Variants in SCN10A observed in about 807,000 individuals in gnomAD.
SCN10A encodes the protein sodium voltage-gated channel alpha subunit 10.
In SCN10A, 162 loss-of-function variants were observed where a neutral mutation model predicts 170.7. The observed-to-expected ratio is 0.95, with a 90% CI of 0.84 to 1.08. SCN10A has a LOEUF of 1.08. Among genes scored for constraint, SCN10A ranks in the 50% least tolerant of loss-of-function variants. The pLI, the probability that SCN10A is intolerant of heterozygous loss-of-function variation, is 0.00. For missense variants in SCN10A, 2,527 were observed against 2,436.9 expected (o/e 1.04, Z -0.78); for synonymous variants, 985 against 904.6 (o/e 1.09, Z -1.59).
At position 38,757,160 on chromosome 3, in the gene SCN10A, C is replaced by G. The variant is rs2063818319; in HGVS notation, c.951-1G>C. ...GCAGATATAACCATCAGGGCAGTGG[C>G]TGCAGCAAGAACAGAGAAGGTCATC... On this transcript the variant is annotated splice_acceptor_variant, in intron 8 of 27. Transcript: ENST00000449082. LOFTEE classifies it high-confidence loss of function. 1 of 1,595,042 alleles carries G rather than the reference C, an allele frequency of 6.3e-7. No homozygotes were observed.
chr3:38,781,668 A>G (rs2064141024), intron 4 of SCN10A, among the ~76,000 whole-genome samples: 1 of 152,174 alleles, frequency 6.6e-6, no homozygotes, highest in African/African-American at 2.4e-5. Flanking sequence ...TTTTTATGCT[A>G]CAGGAATAAA....
intron 4 of SCN10A, among the ~76,000 whole-genome samples, chr3:38,772,999 G>A (rs539672749): frequency 2.6e-5 from 4 of 152,190 alleles, no homozygotes; most frequent in Non-Finnish European, 5.9e-5. Flanking sequence ...CAGACTAGGA[G>A]GTATATTGTT....
intron 6 of SCN10A, among the ~76,000 whole-genome samples, chr3:38,762,126 C>T (rs914957561): frequency 6.6e-6 from 1 of 152,116 alleles, no homozygotes; most frequent in African/African-American, 2.4e-5. Flanking sequence ...AGAGCAGCTT[C>T]GCAGGTAGCA....
chr3:38,719,543 G>A (rs368287697), intron 20 of SCN10A, among the ~76,000 whole-genome samples: 53 of 151,456 alleles, frequency 3.5e-4, no homozygotes, highest in African/African-American at 1.2e-3. Flanking sequence ...ACAGGCGCCC[G>A]CCACTACGCC....
intron 1 of SCN10A, among the ~76,000 whole-genome samples, chr3:38,806,679 T>C (rs1198446825): frequency 6.6e-6 from 1 of 152,148 alleles, no homozygotes; most frequent in African/African-American, 2.4e-5. Flanking sequence ...AGGTAAATTA[T>C]AGACAAATGC....
At chr3:38,707,498 A>G in intron 25 of SCN10A, 115 bp from the exon 26 acceptor site, 1 of 1,031,382 alleles carries the variant, frequency 9.7e-7, no homozygotes, top group Non-Finnish European at 1.5e-6. Flanking sequence ...CTGCAGATAG[A>G]CAAACCAAGC....
chr3:38,811,002 T>C (rs62244117), intron 1 of SCN10A, among the ~76,000 whole-genome samples: 43,623 of 152,166 alleles, frequency 0.29, 7,717 homozygotes, highest in Admixed American at 0.41. Flanking sequence ...AAGAAACTTA[T>C]GTTTCAAGAG....
chr3:38,773,384 A>C (rs1027379626), intron 4 of SCN10A, among the ~76,000 whole-genome samples: 1 of 152,134 alleles, frequency 6.6e-6, no homozygotes, highest in Non-Finnish European at 1.5e-5. Flanking sequence ...AAAGGAATCC[A>C]AAAAAAGAAT....
intron 26 of SCN10A, among the ~76,000 whole-genome samples, chr3:38,704,186 C>G (rs139621796): frequency 6.6e-4 from 101 of 152,244 alleles, no homozygotes; most frequent in African/African-American, 2.3e-3. Context: ...CTGATCCTTG[C>G]CTTCTGCTTC....
intron 14 of SCN10A, 59 bp downstream of exon 14, chr3:38,742,232 C>T (rs1483400249): frequency 7.8e-7 from 1 of 1,279,956 alleles, no homozygotes; most frequent in Non-Finnish European, 1.1e-6. Flanking sequence ...TGCACCCTGC[C>T]ATCATCCCCA....
intron 26 of SCN10A, among the ~76,000 whole-genome samples, chr3:38,703,312 G>T (rs2125983852): frequency 6.6e-6 from 1 of 152,248 alleles, no homozygotes; most frequent in African/African-American, 2.4e-5. Flanking sequence ...ATTACTCTTT[G>T]TCTCTTGGTT....
chr3:38,737,838 CT>C (rs549093627), intron 15 of SCN10A, among the ~76,000 whole-genome samples: 1 of 41,886 alleles, frequency 2.4e-5, no homozygotes, highest in Non-Finnish European at 4.1e-5. Flanking sequence ...CTTTCTCTTT[CT>C]TCTTTCTTTC....
rs190498981 is a variant in SCN10A at position 38,722,215 on chromosome 3, C to T, written c.3507+43G>A. 2.0e-3 allele frequency: 3,161 copies of T among 1,584,650 alleles called. 7 individuals carry two copies. The highest frequency in any genetic ancestry group is 2.4e-3 in the Non-Finnish European group (2,782 of 1,161,806). ...CAGGGCCTTTGGATTGTAGGAGATT[C>T]CTATCTGGAGGATTTGGGGGCAGGG... On this transcript the variant is annotated intron_variant, in intron 20 of 27. Coordinates refer to ENST00000449082, the MANE Select transcript of SCN10A (RefSeq NM_006514.4).
chr3:38,751,079 G>C (rs1004619749), intron 12 of SCN10A, among the ~76,000 whole-genome samples: 10 of 152,160 alleles, frequency 6.6e-5, no homozygotes, highest in Admixed American at 2.0e-4. Context: ...TTGGTTAATG[G>C]GAGACATAGG....
At position 38,718,778 on chromosome 3, in the gene SCN10A, G is replaced by T. The variant is rs192493052; in HGVS notation, c.3556C>A (p.Leu1186Met). ...GTGAAGACCCTGTCAGTGTACTCCA[G>T]CAAAGCTTTCACCGTGGGCTTCTGG... ...LDQKPTVKAL[L>M]EYTDRVFTFI... is the part of the protein sequence containing the mutation. The change falls in exon 21 of 28, where the codon CTG (leucine) becomes ATG (methionine). Residue 1186 changes from leucine (L) to methionine (M), a missense_variant. Leu to Met is a conservative substitution (Grantham distance 15, BLOSUM62 2). Coordinates refer to ENST00000449082, the MANE Select transcript of SCN10A (RefSeq NM_006514.4). 3.3e-5 allele frequency: 53 copies of T among 1,614,214 alleles called. No homozygotes were observed. The highest frequency in any genetic ancestry group is 4.1e-5 in the Non-Finnish European group (48 of 1,180,016).
intron 4 of SCN10A, among the ~76,000 whole-genome samples, chr3:38,772,519 C>A (rs907979766): frequency 3.3e-5 from 5 of 152,002 alleles, no homozygotes; most frequent in African/African-American, 1.2e-4. Context: ...GAAACCCCGT[C>A]TCTACTAAAA....
intron 15 of SCN10A, among the ~76,000 whole-genome samples, chr3:38,729,167 G>A (rs2126003668): frequency 6.6e-6 from 1 of 152,268 alleles, no homozygotes; most frequent in African/African-American, 2.4e-5. Context: ...TGGTGGCCTT[G>A]CGATCTGTAC....
Position 38,698,139 on chromosome 3 carries a change from C to T in SCN10A, c.5081G>A (p.Ser1694Asn), listed in dbSNP as rs553109931. 2 of 1,614,092 alleles carry T rather than the reference C, an allele frequency of 1.2e-6. No homozygotes were observed. Among genetic ancestry groups the T allele is most frequent in the South Asian group, 1.1e-5 (1 of 91,066 alleles). The change falls in exon 28 of 28, where the codon AGC becomes AAC. Residue 1694 changes from serine (S) to asparagine (N), a missense_variant. Physicochemically the swap from Ser to Asn is conservative, Grantham distance 46 (BLOSUM62 1). Transcript: ENST00000449082. Reference sequence around the variant, plus strand: ...GAAGAAGATGATGCCTACGGCTGGGCTCCCACAGTCCCCTCTGGTGCCATT... The same window carrying T: ...GAAGAAGATGATGCCTACGGCTGGGTTCCCACAGTCCCCTCTGGTGCCATT... ...NSNGTRGDCG[S>N]PAVGIIFFTT...
chr3:38,718,123 C>T (rs1458611696), intron 21 of SCN10A, among the ~76,000 whole-genome samples: 1 of 152,192 alleles, frequency 6.6e-6, no homozygotes, highest in Admixed American at 6.5e-5. Context: ...CTTGGAAATG[C>T]CTGGGAGCAT....
Sources: allele counts gnomAD v4.1 joint callset (sites outside exome capture counted in the v4.1 genomes callset), GRCh38; gene constraint gnomAD v4.1.1; transcripts MANE v1.5; gene names NCBI Gene and HGNC (gene_info 2026-07-23, HGNC 2026-07-21).